AP1S3: variants seen among roughly 807,000 people sequenced by gnomAD.
AP1S3 encodes AP-1 complex subunit sigma-3.
AP1S3 carries 10 observed loss-of-function variants against 20.9 expected under a neutral mutation model. That is an observed-to-expected ratio of 0.48 (90% CI 0.29 to 0.81). The LOEUF (loss-of-function observed/expected upper bound fraction) is 0.81, where lower values mean the gene tolerates loss of function less well. AP1S3 is among the 30% of genes least tolerant of loss of function. AP1S3 has a pLI of 0.08. For synonymous variants in AP1S3, 41 were observed against 61.5 expected, an observed-to-expected ratio of 0.67 and a Z score of 1.56; for missense variants, 154 against 183.8, an observed-to-expected ratio of 0.84 and a Z score of 0.94.
intron 1 of AP1S3, among the ~76,000 whole-genome samples, chr2:223,833,017 A>C (rs1039516696): frequency 4.3e-4 from 65 of 152,066 alleles, no homozygotes; most frequent in Admixed American, 4.1e-3. Flanking sequence ...CGGAATTTGC[A>C]ACACAAAAAG....
At chr2:223,791,336 T>G (rs1682413287) in intron 1 of AP1S3, among the ~76,000 whole-genome samples, 1 of 152,164 alleles carries the variant, frequency 6.6e-6, no homozygotes, top group South Asian at 2.1e-4. Flanking sequence ...TTATCCACCA[T>G]GATCAAGTTG....
chr2:223,784,337 A>G (rs974468115), intron 1 of AP1S3, among the ~76,000 whole-genome samples: 1 of 152,130 alleles, frequency 6.6e-6, no homozygotes, highest in Non-Finnish European at 1.5e-5. Flanking sequence ...TGAGGAGAGG[A>G]TAAAAGCCAT....
intron 1 of AP1S3, among the ~76,000 whole-genome samples, chr2:223,780,351 A>AGT (rs1416516684): frequency 3.0e-3 from 186 of 62,174 alleles, no homozygotes; most frequent in African/African-American, 6.6e-3. Context: ...AGAGAGAGAG[A>AGT]GAGAGAGTGT....
At chr2:223,819,619 G>A (rs901626287) in intron 1 of AP1S3, among the ~76,000 whole-genome samples, 3 of 124,766 alleles carry the variant, frequency 2.4e-5, no homozygotes, top group African/African-American at 8.6e-5. Context: ...AAAAATTAAA[G>A]TCCTATCTTT....
At chr2:223,808,253 T>C (rs927496396) in intron 1 of AP1S3, among the ~76,000 whole-genome samples, 2 of 152,194 alleles carry the variant, frequency 1.3e-5, no homozygotes, top group African/African-American at 4.8e-5. Context: ...ACGAGAACCC[T>C]ATCCTGCTCA....
At chr2:223,773,199 CA>C in intron 3 of AP1S3, 1 of 1,072,600 alleles carries the variant, frequency 9.3e-7, no homozygotes, top group Non-Finnish European at 1.2e-6. Flanking sequence ...AGATTGAGAT[CA>C]AAATTCAGCC....
At chr2:223,798,659 G>A (rs568768158) in intron 1 of AP1S3, among the ~76,000 whole-genome samples, 1 of 152,348 alleles carries the variant, frequency 6.6e-6, no homozygotes, top group Non-Finnish European at 1.5e-5. Flanking sequence ...AGGAAGGATA[G>A]ACAGGTAGTT....
chr2:223,802,297 GTTTTA>G (rs1474808352), intron 1 of AP1S3, among the ~76,000 whole-genome samples: 1 of 133,726 alleles, frequency 7.5e-6, no homozygotes, highest in Non-Finnish European at 1.6e-5. Flanking sequence ...AAAGCATCCA[GTTTTA>G]TTTTATTTTT....
At chr2:223,821,552 C>T (rs1257155858) in intron 1 of AP1S3, among the ~76,000 whole-genome samples, 1 of 152,214 alleles carries the variant, frequency 6.6e-6, no homozygotes, top group Non-Finnish European at 1.5e-5. Flanking sequence ...TGCTGCTTCT[C>T]CACTTGATCT....
At chr2:223,825,573 A>G (rs1461889388) in intron 1 of AP1S3, among the ~76,000 whole-genome samples, 1 of 152,216 alleles carries the variant, frequency 6.6e-6, no homozygotes, top group Non-Finnish European at 1.5e-5. Flanking sequence ...ATATAATTTA[A>G]CAACATACTT....
chr2:223,769,736 A>ATTTTTTTTT (rs61207667), intron 3 of AP1S3, among the ~76,000 whole-genome samples: 3 of 80,146 alleles, frequency 3.7e-5, no homozygotes, highest in Admixed American at 1.8e-4. Flanking sequence ...ATGCAATCCC[A>ATTTTTTTTT]TTTTTTTTTT....
intron 3 of AP1S3, among the ~76,000 whole-genome samples, chr2:223,774,880 A>G (rs983800708): frequency 6.6e-6 from 1 of 152,202 alleles, no homozygotes; most frequent in Admixed American, 6.5e-5. Context: ...GACTGTCACC[A>G]ACAAGGGGAA....
chr2:223,784,296 A>C (rs1691024251), intron 1 of AP1S3, among the ~76,000 whole-genome samples: 1 of 152,014 alleles, frequency 6.6e-6, no homozygotes, highest in African/African-American at 2.4e-5. Context: ...ATGCCCCCAT[A>C]TTCCCAGTCT....
Position 223,755,706 on chromosome 2 carries a change from T to C in AP1S3, c.*3009A>G, listed in dbSNP as rs987122832. 2.7e-6 allele frequency: 1 copy of C among 367,214 alleles called. No individual in the cohort carries two copies. Among genetic ancestry groups the C allele is most frequent in the Admixed American group, 6.5e-5 (1 of 15,496 alleles). The allele number at this position is 367,214 out of a possible 1,614,324, so 22.7% of individuals were successfully genotyped here. On this transcript the variant is annotated 3_prime_UTR_variant, in exon 5 of 5. Coordinates refer to ENST00000396654, the MANE Select transcript of AP1S3 (RefSeq NM_001039569.2). Reference sequence around the variant, plus strand: ...CCACCACACTTGGCTAATTTTTGAATTTTTAGTAGAGACAGGGTTTCACCA... The same window carrying C: ...CCACCACACTTGGCTAATTTTTGAACTTTTAGTAGAGACAGGGTTTCACCA...
At position 223,775,909 on chromosome 2, in the gene AP1S3, A is replaced by G. The variant is rs745955964; in HGVS notation, c.283T>C (p.Phe95Leu). 8 of 1,613,908 alleles carry G rather than the reference A, an allele frequency of 5.0e-6. No individual in the cohort carries two copies. The South Asian group carries it at 8.8e-5, about 18-fold the overall frequency. Residue 95 changes from phenylalanine (F) to leucine (L), a missense_variant, in exon 3 of 5, where the codon TTT (phenylalanine) becomes CTT (leucine). Physicochemically the swap from Phe to Leu is conservative, Grantham distance 22. Transcript: ENST00000396654. The stretch of plus-strand genomic sequence containing the variant: ...ACAAGGACAACACTTACATTTCCAA[A>G]ATATTTGTCCAGCAGCTCCACGTAA... The part of the protein sequence containing the change: ...HRYVELLDKY[F>L]GNVCELDIIF...
At chr2:223,816,152 A>G (rs914999336) in intron 1 of AP1S3, among the ~76,000 whole-genome samples, 1 of 152,216 alleles carries the variant, frequency 6.6e-6, no homozygotes, top group Non-Finnish European at 1.5e-5. Flanking sequence ...ACGGGCATAC[A>G]GCGTGTCATT....
At chr2:223,806,382 C>A (rs1385780123) in intron 1 of AP1S3, among the ~76,000 whole-genome samples, 1 of 148,510 alleles carries the variant, frequency 6.7e-6, no homozygotes, top group Admixed American at 6.9e-5. Flanking sequence ...CTCCCGGGTT[C>A]ACACCATTCT....
Position 223,765,132 on chromosome 2 carries a change from G to A in AP1S3, c.429+81C>T, listed in dbSNP as rs775259372. On this transcript the variant is annotated intron_variant, in intron 4 of 4. Coordinates refer to ENST00000396654, the MANE Select transcript of AP1S3 (RefSeq NM_001039569.2). ...CCAGCACAGAGTAAGTACTCAGTAA[G>A]TCTGGTTAATATTATAATTATTAAC... 5.9e-6 allele frequency: 9 copies of A among 1,536,400 alleles called. No homozygotes were observed. The Admixed American group carries it at 1.6e-4, about 27-fold the overall frequency.
intron 1 of AP1S3, among the ~76,000 whole-genome samples, chr2:223,801,347 T>G: frequency 6.6e-6 from 1 of 152,200 alleles, no homozygotes; most frequent in Non-Finnish European, 1.5e-5. Context: ...CAATGCAACA[T>G]TGCCTCCTTG....
Sources: allele counts gnomAD v4.1 joint callset (sites outside exome capture counted in the v4.1 genomes callset), GRCh38; gene constraint gnomAD v4.1.1; transcripts MANE v1.5; gene names NCBI Gene and HGNC (gene_info 2026-07-23, HGNC 2026-07-21).